Variants in MYO1D observed in about 807,000 individuals in gnomAD.
The protein encoded by MYO1D is myosin ID.
Under a neutral mutation model 122.0 loss-of-function variants are expected in MYO1D, and 83 were observed. That is an observed-to-expected ratio of 0.68 (90% CI 0.57 to 0.82). MYO1D has a LOEUF of 0.82. Ranked by LOEUF, MYO1D falls within the 40% of genes least tolerant of loss-of-function variation. The pLI, the probability that MYO1D is intolerant of heterozygous loss-of-function variation, is 0.00. For synonymous variants in MYO1D, 464 were observed against 446.9 expected, an observed-to-expected ratio of 1.04 and a Z score of -0.48; for missense variants, 1,157 against 1,269.5, an observed-to-expected ratio of 0.91 and a Z score of 1.35.
At chr17:32,713,341 G>GT (rs1313516896) in intron 15 of MYO1D, among the ~76,000 whole-genome samples, 3 of 152,072 alleles carry the variant, frequency 2.0e-5, no homozygotes, top group Non-Finnish European at 4.4e-5. Flanking sequence ...TTTATCATAT[G>GT]TGCTTCAGTT....
Position 32,755,633 on chromosome 17 carries a change from A to C in MYO1D, c.1326T>G (p.Val442=), listed in dbSNP as rs149445729. Residue 442 remains valine (V), a synonymous_variant, in exon 11 of 22, where the codon GTT becomes GTG. Coordinates refer to ENST00000318217, the MANE Select transcript of MYO1D (RefSeq NM_015194.3). ...CTTTGTGCTGTTGCTCCACGAGGTC[A>C]ACAATGATCTGATTGTTGAAGTAGT... is the stretch of plus-strand genomic sequence containing the variant. ...HIDYFNNQII[V]DLVEQQHKGI... The C allele has an allele frequency of 7.4e-4, 1,197 of 1,613,716 alleles. No homozygotes were observed. Among genetic ancestry groups the C allele is most frequent in the Non-Finnish European group, 9.0e-4 (1,056 of 1,179,746 alleles).
intron 21 of MYO1D, among the ~76,000 whole-genome samples, chr17:32,537,702 A>T (rs1042386640): frequency 6.6e-5 from 10 of 152,226 alleles, no homozygotes; most frequent in African/African-American, 2.4e-4. Context: ...GAGAGAAATG[A>T]ATCCATAAGA....
chr17:32,831,759 G>C (rs748233815), intron 1 of MYO1D, among the ~76,000 whole-genome samples: 1 of 152,100 alleles, frequency 6.6e-6, no homozygotes, highest in Non-Finnish European at 1.5e-5. Context: ...TAAATGCTGG[G>C]GTGTTTGTAC....
At chr17:32,642,197 C>T (rs2088211616) in intron 19 of MYO1D, among the ~76,000 whole-genome samples, 1 of 152,170 alleles carries the variant, frequency 6.6e-6, no homozygotes, top group South Asian at 2.1e-4. Flanking sequence ...AATCCTTTCC[C>T]CATTTCTTGT....
intron 16 of MYO1D, among the ~76,000 whole-genome samples, chr17:32,696,179 T>C (rs1378062859): frequency 1.3e-5 from 2 of 152,204 alleles, no homozygotes; most frequent in African/African-American, 4.8e-5. Context: ...CACAGAGACC[T>C]ATTCACTTGC....
chr17:32,856,211 A>G (rs41478045), intron 1 of MYO1D, among the ~76,000 whole-genome samples: 7,329 of 152,150 alleles, frequency 0.048, 548 homozygotes, highest in African/African-American at 0.16. Flanking sequence ...GACAATTTCC[A>G]CAAAAAGCAT....
intron 16 of MYO1D, among the ~76,000 whole-genome samples, chr17:32,679,271 C>T (rs987670940): frequency 6.9e-4 from 104 of 151,234 alleles, no homozygotes; most frequent in African/African-American, 2.2e-3. Context: ...TAATTAGATC[C>T]CATTTGTCAA....
At chr17:32,816,281 G>A (rs780344907) in intron 1 of MYO1D, among the ~76,000 whole-genome samples, 5 of 152,116 alleles carry the variant, frequency 3.3e-5, no homozygotes, top group Non-Finnish European at 7.4e-5. Flanking sequence ...TATAGGAAGA[G>A]GTCACAGTGC....
intron 16 of MYO1D, among the ~76,000 whole-genome samples, chr17:32,663,914 T>A (rs2088603941): frequency 6.6e-6 from 1 of 152,214 alleles, no homozygotes; most frequent in Non-Finnish European, 1.5e-5. Flanking sequence ...CCAAGTTTTC[T>A]TTTTTTGGAT....
At chr17:32,539,267 C>T (rs1031583816) in intron 21 of MYO1D, among the ~76,000 whole-genome samples, 4 of 138,050 alleles carry the variant, frequency 2.9e-5, no homozygotes, top group Admixed American at 7.7e-5. Flanking sequence ...CGTAGGAAGA[C>T]CCTGTCTCTA....
At chr17:32,767,815 T>C (rs1395972055) in intron 6 of MYO1D, 63 bp from the exon 7 acceptor site, 4 of 1,217,226 alleles carry the variant, frequency 3.3e-6, no homozygotes, top group Non-Finnish European at 4.8e-6. Flanking sequence ...AATTCAACAA[T>C]TATAAAACTA....
At chr17:32,861,064 T>C (rs2091069769) in intron 1 of MYO1D, among the ~76,000 whole-genome samples, 1 of 150,988 alleles carries the variant, frequency 6.6e-6, no homozygotes. Context: ...TATTGGTGTT[T>C]ATTCTTTTTT....
At chr17:32,730,369 A>G (rs1399897309) in intron 14 of MYO1D, among the ~76,000 whole-genome samples, 1 of 152,050 alleles carries the variant, frequency 6.6e-6, no homozygotes, top group Non-Finnish European at 1.5e-5. Context: ...ATTCCACAAA[A>G]TATTATTTTA....
chr17:32,500,153 C>T (rs1455779730), intron 21 of MYO1D, among the ~76,000 whole-genome samples: 2 of 152,228 alleles, frequency 1.3e-5, no homozygotes, highest in African/African-American at 4.8e-5. Context: ...ATGGGCAACA[C>T]TGGCTGGGCC....
chr17:32,705,058 A>C (rs752556351), intron 16 of MYO1D, among the ~76,000 whole-genome samples: 53 of 152,150 alleles, frequency 3.5e-4, no homozygotes, highest in Non-Finnish European at 7.3e-5. Context: ...TCATTTCACA[A>C]ATTCCTTACA....
chr17:32,756,020 C>T (rs553854890), intron 10 of MYO1D, among the ~76,000 whole-genome samples: 2 of 152,254 alleles, frequency 1.3e-5, no homozygotes, highest in South Asian at 2.1e-4. Context: ...GTAAGGTCCA[C>T]CTTCCACAAA....
At chr17:32,875,245 G>C (rs1376609897) in intron 1 of MYO1D, among the ~76,000 whole-genome samples, 1 of 152,180 alleles carries the variant, frequency 6.6e-6, no homozygotes, top group African/African-American at 2.4e-5. Flanking sequence ...TCCTGTGGGG[G>C]AGAGGAGTAG....
intron 13 of MYO1D, among the ~76,000 whole-genome samples, chr17:32,742,037 TA>T (rs1232515542): frequency 1.4e-4 from 21 of 150,612 alleles, no homozygotes; most frequent in South Asian, 1.1e-3. Context: ...AAAAGTAAAT[TA>T]AAAAAAAAAT....
chr17:32,593,296 G>A (rs948415408), intron 21 of MYO1D, among the ~76,000 whole-genome samples: 1 of 152,184 alleles, frequency 6.6e-6, no homozygotes, highest in African/African-American at 2.4e-5. Flanking sequence ...CAAGACAAGA[G>A]ATGTGAAGAT....
Sources: gnomAD v4.1 joint callset for allele counts (sites outside exome capture counted in the v4.1 genomes callset) on GRCh38, gnomAD v4.1.1 for gene constraint, MANE v1.5 for transcripts, NCBI Gene and HGNC (gene_info 2026-07-23, HGNC 2026-07-21) for gene names.